Variants in DCAF1 observed in about 807,000 individuals in gnomAD.
DCAF1 encodes the protein DDB1 and CUL4 associated factor 1.
DCAF1 carries 15 observed loss-of-function variants against 128.0 expected under a neutral mutation model. The observed-to-expected ratio is 0.12, with a 90% CI of 0.08 to 0.18. The LOEUF (loss-of-function observed/expected upper bound fraction) is 0.18, where lower values mean the gene tolerates loss of function less well. DCAF1 is among the 10% of genes least tolerant of loss of function. The pLI is 1.00. For synonymous variants in DCAF1, 610 were observed against 603.0 expected (o/e 1.01, Z -0.17); for missense variants, 988 against 1,649.5 (o/e 0.60, Z 6.95).
intron 2 of DCAF1, among the ~76,000 whole-genome samples, chr3:51,494,398 G>A (rs1577337437): frequency 6.6e-6 from 1 of 152,198 alleles, no homozygotes; most frequent in East Asian, 1.9e-4. Flanking sequence ...ACAGGTGTGA[G>A]CCACCGCGCC....
Position 51,412,403 on chromosome 3 carries a change from C to T in DCAF1, c.4188G>A (p.Glu1396=), listed in dbSNP as rs1553628723. The change falls in exon 23 of 25, where the codon GAG becomes GAA. Residue 1396 remains glutamate (E), a synonymous_variant. Transcript: ENST00000684031. ...CCTGGTCCTCCTCTTCATCCTCATC[C>T]TCTGCCAGACGCTGCCTGCCCACTT... ...LYEVGRQRLA[E]DEDEEEDQEE... is the part of the protein sequence containing the mutation. The T allele has an allele frequency of 1.2e-6, 2 of 1,613,908 alleles. No individual in the cohort carries two copies. The highest frequency in any genetic ancestry group is 1.7e-6 in the Non-Finnish European group (2 of 1,179,858).
the DCAF1 span, among the ~76,000 whole-genome samples, chr3:51,505,514 T>G: frequency 6.6e-6 from 1 of 152,160 alleles, no homozygotes; most frequent in Non-Finnish European, 1.5e-5. Flanking sequence ...GAGGGTGTCA[T>G]GGGCTCTTAC....
At chr3:51,505,213 G>A in the DCAF1 span, among the ~76,000 whole-genome samples, 15 of 151,528 alleles carry the variant, frequency 9.9e-5, no homozygotes, top group Non-Finnish European at 1.8e-4. Context: ...GCAGTGAGCC[G>A]AGATCACACC....
At chr3:51,446,174 T>C (rs191710392) in intron 6 of DCAF1, among the ~76,000 whole-genome samples, 6 of 152,090 alleles carry the variant, frequency 3.9e-5, no homozygotes, top group Non-Finnish European at 4.4e-5. Context: ...TTTGTATTTT[T>C]AGTGGAGACG....
intron 5 of DCAF1, among the ~76,000 whole-genome samples, chr3:51,463,781 AAAAAAC>A (rs1490841981): frequency 1.3e-5 from 2 of 152,016 alleles, no homozygotes; most frequent in Non-Finnish European, 2.9e-5. Flanking sequence ...CCTGTCTCCA[AAAAAAC>A]AACAACAACA....
In DCAF1 at chr3:51,420,151, A is replaced by G. The variant is rs782265953; in HGVS notation, c.2819T>C (p.Leu940Pro). The G allele has an allele frequency of 1.9e-6, 3 of 1,613,998 alleles. No individual in the cohort carries two copies. The highest frequency in any genetic ancestry group is 2.5e-6 in the Non-Finnish European group (3 of 1,179,892). The change falls in exon 15 of 25, where the codon CTA becomes CCA. Residue 940 changes from leucine to proline, a missense_variant. Leu to Pro is a moderately conservative substitution (Grantham distance 98). Coordinates refer to ENST00000684031, the MANE Select transcript of DCAF1 (RefSeq NM_001387579.1). This position sits in a 1 kb window ranked among gnomAD's most constrained non-coding sequence, Gnocchi z 6.5. ...TGCATAAGATGGGCCGGGCAGAGCT[A>G]GCGGACCCTGGGGGGGCCGTGGCTG... ...HPQPRPPQGP[L>P]ALPGPSYAGN...
intron 9 of DCAF1, among the ~76,000 whole-genome samples, chr3:51,439,784 G>C (rs1321160762): frequency 2.0e-5 from 3 of 151,922 alleles, no homozygotes; most frequent in African/African-American, 7.3e-5. Context: ...TTGAGGTCAG[G>C]AGTTTGAGAC....
chr3:51,440,130 T>C (rs1559512747), intron 9 of DCAF1: 1 of 505,706 alleles, frequency 2.0e-6, no homozygotes. Flanking sequence ...GATTCACTTT[T>C]TATCTCAACG....
intron 6 of DCAF1, among the ~76,000 whole-genome samples, chr3:51,447,515 A>G (rs1158337893): frequency 1.3e-5 from 2 of 152,204 alleles, no homozygotes; most frequent in Admixed American, 6.5e-5. Flanking sequence ...ACGTATTTTC[A>G]GCATATTTCT....
downstream of DCAF1, chr3:51,396,949 T>G: frequency 1.2e-5 from 2 of 167,098 alleles, no homozygotes. Flanking sequence ...AAGAGCTGAG[T>G]GAGTCCTCTG....
chr3:51,416,924 T>C (rs1479573366), intron 17 of DCAF1, 53 bp from the exon 18 acceptor site: 1 of 1,558,504 alleles, frequency 6.4e-7, no homozygotes, highest in Non-Finnish European at 8.7e-7. Context: ...GACATATTCC[T>C]GCAACCAACT....
intron 23 of DCAF1, among the ~76,000 whole-genome samples, chr3:51,412,109 TAAAAAAAAAAAAAA>T (rs782087400): frequency 2.0e-4 from 6 of 29,460 alleles, no homozygotes; most frequent in Admixed American, 3.4e-4. Context: ...AACTCCATTC[TAAAAAAAAAAAAAA>T]AAAAAAAAAA....
chr3:51,503,173 A>C (rs1031742818), upstream of DCAF1, among the ~76,000 whole-genome samples: 24 of 152,038 alleles, frequency 1.6e-4, no homozygotes, highest in African/African-American at 5.8e-4. Context: ...GTGCCCAAGA[A>C]AGAGGAAGCC....
chr3:51,454,106 G>A (rs1359915242), intron 6 of DCAF1, among the ~76,000 whole-genome samples: 4 of 152,166 alleles, frequency 2.6e-5, no homozygotes, highest in East Asian at 1.9e-4. Flanking sequence ...GCGGCAGCAC[G>A]ATCAGGGCTA....
chr3:51,473,994 G>C (rs1251333324), intron 3 of DCAF1, among the ~76,000 whole-genome samples: 1 of 151,486 alleles, frequency 6.6e-6, no homozygotes, highest in African/African-American at 2.4e-5. Context: ...TTTTTTGGTA[G>C]AGACAGGGTT....
At position 51,446,181 on chromosome 3, in the gene DCAF1, G is replaced by C. The variant is rs1015973718; in HGVS notation, c.376-2278C>G. ...AGCTGATTTTTGTATTTTTAGTGGA[G>C]ACGGGGTTTCACCATGTTGGCCAAG... On this transcript the variant is annotated intron_variant, in intron 6 of 24. Transcript: ENST00000684031. Among the ~76,000 whole-genome samples the C allele has an allele frequency of 2.0e-4, 30 of 151,904 alleles. 1 individual carries two copies. The highest frequency in any genetic ancestry group is 2.4e-5 in the African/African-American group (1 of 41,352).
chr3:51,473,867 G>C (rs185970217), intron 3 of DCAF1, among the ~76,000 whole-genome samples: 1 of 151,592 alleles, frequency 6.6e-6, no homozygotes, highest in Non-Finnish European at 1.5e-5. Flanking sequence ...GCAATGGCAC[G>C]ATGTCGGCTC....
At chr3:51,422,088 A>G (rs1250560791) in intron 14 of DCAF1, among the ~76,000 whole-genome samples, 2 of 151,644 alleles carry the variant, frequency 1.3e-5, no homozygotes, top group African/African-American at 4.8e-5. Flanking sequence ...ACATCAAACT[A>G]TCTGGTCCTA....
At chr3:51,495,721 T>C (rs1045612753) in intron 2 of DCAF1, among the ~76,000 whole-genome samples, 9 of 152,032 alleles carry the variant, frequency 5.9e-5, no homozygotes, top group Admixed American at 5.2e-4. Context: ...GGTGAAATCC[T>C]GCCTCTATGA....
Sources: allele counts gnomAD v4.1 joint callset (sites outside exome capture counted in the v4.1 genomes callset), GRCh38; gene constraint gnomAD v4.1.1; non-coding constraint Gnocchi (gnomAD v3.1); transcripts MANE v1.5; gene names NCBI Gene and HGNC (gene_info 2026-07-23, HGNC 2026-07-21).